GUCY1A2: variants seen among roughly 807,000 people sequenced by gnomAD.
The protein encoded by GUCY1A2 is guanylate cyclase soluble subunit alpha-2.
In GUCY1A2, 27 loss-of-function variants were observed where a neutral mutation model predicts 63.5. The observed-to-expected ratio is 0.43, with a 90% CI of 0.31 to 0.59. The LOEUF (loss-of-function observed/expected upper bound fraction) is 0.59. Ranked by LOEUF, GUCY1A2 falls within the 20% of genes least tolerant of loss-of-function variation. The pLI is 0.11. For missense variants in GUCY1A2, 768 were observed against 913.3 expected (o/e 0.84, Z 2.05); for synonymous variants, 364 against 343.5 (o/e 1.06, Z -0.66).
intron 6 of GUCY1A2, among the ~76,000 whole-genome samples, chr11:106,729,523 G>A (rs952204019): frequency 3.9e-5 from 6 of 152,078 alleles, no homozygotes; most frequent in Non-Finnish European, 1.5e-5. Context: ...AAAATGGAAA[G>A]GAAATTAGAA....
At chr11:106,696,839 AAGAG>A (rs1295087735) in intron 7 of GUCY1A2, among the ~76,000 whole-genome samples, 1 of 152,162 alleles carries the variant, frequency 6.6e-6, no homozygotes, top group Non-Finnish European at 1.5e-5. Context: ...GAGAGAAACT[AAGAG>A]AGGAGAAGAG....
intron 7 of GUCY1A2, among the ~76,000 whole-genome samples, chr11:106,706,295 A>AATT (rs1321936819): frequency 1.3e-5 from 2 of 152,090 alleles, no homozygotes; most frequent in Non-Finnish European, 2.9e-5. Flanking sequence ...TTACTTCATA[A>AATT]ATTATATTTG....
chr11:106,861,004 G>A (rs1216066354), intron 4 of GUCY1A2, among the ~76,000 whole-genome samples: 1 of 151,438 alleles, frequency 6.6e-6, no homozygotes, highest in Non-Finnish European at 1.5e-5. Context: ...AGGAAGATGA[G>A]AAGAAGATTA....
chr11:106,969,121 A>T (rs983422984), intron 3 of GUCY1A2, among the ~76,000 whole-genome samples: 1 of 152,302 alleles, frequency 6.6e-6, no homozygotes. Flanking sequence ...TCATAAGGGG[A>T]ATTTACCATA....
chr11:106,825,013 AT>A, intron 4 of GUCY1A2: 1 of 1,572,576 alleles, frequency 6.4e-7, no homozygotes, highest in East Asian at 2.3e-5. Context: ...ATATGCCACT[AT>A]TTTTGTAGTT....
intron 4 of GUCY1A2, among the ~76,000 whole-genome samples, chr11:106,858,977 G>A (rs1464040534): frequency 2.6e-5 from 4 of 152,038 alleles, no homozygotes; most frequent in Non-Finnish European, 5.9e-5. Context: ...AATTCTGGAT[G>A]CCTTGATCAC....
intron 4 of GUCY1A2, among the ~76,000 whole-genome samples, chr11:106,892,564 G>A (rs1425000791): frequency 6.6e-6 from 1 of 152,068 alleles, no homozygotes; most frequent in African/African-American, 2.4e-5. Flanking sequence ...CTTATATCAA[G>A]TTAGCTAGCC....
chr11:106,996,262 G>T (rs145062193), intron 1 of GUCY1A2, among the ~76,000 whole-genome samples: 1 of 152,048 alleles, frequency 6.6e-6, no homozygotes, highest in Admixed American at 6.6e-5. Flanking sequence ...GAAGGGGAGG[G>T]GAATTGTTTA....
chr11:106,909,383 G>A (rs1399801059), intron 4 of GUCY1A2, among the ~76,000 whole-genome samples: 2 of 150,582 alleles, frequency 1.3e-5, no homozygotes, highest in African/African-American at 4.9e-5. Flanking sequence ...GTGTGTGTGT[G>A]TGTGTGTACG....
chr11:106,774,656 T>C (rs896280291), intron 6 of GUCY1A2, among the ~76,000 whole-genome samples: 5 of 152,196 alleles, frequency 3.3e-5, no homozygotes, highest in Non-Finnish European at 7.3e-5. Context: ...GGAACCTCAA[T>C]TGAATATATA....
chr11:106,833,110 C>T (rs144453470), intron 4 of GUCY1A2, among the ~76,000 whole-genome samples: 1,945 of 152,110 alleles, frequency 0.013, 42 homozygotes, highest in African/African-American at 0.044. Context: ...TTACACATGG[C>T]ATTCTCCCTG....
At chr11:106,964,885 T>C (rs908252286) in intron 3 of GUCY1A2, among the ~76,000 whole-genome samples, 1 of 151,604 alleles carries the variant, frequency 6.6e-6, no homozygotes, top group Admixed American at 6.6e-5. Context: ...GAGGCTGAGG[T>C]AGGAGAATGG....
Position 106,727,408 on chromosome 11 carries a change from C to T in GUCY1A2, c.1837-18742G>A, listed in dbSNP as rs1051402479. On this transcript the variant is annotated intron_variant, in intron 6 of 7. Transcript: ENST00000526355. ...GCTCACTGAATCTGTCAAACAGAAG[C>T]CAGCCACTGGCATTTTTCCACATCT... is the stretch of plus-strand genomic sequence containing the variant. 3.3e-5 allele frequency among the ~76,000 whole-genome samples: 5 copies of T among 152,288 alleles called. No homozygotes were observed. In the East Asian group the frequency reaches 9.7e-4, roughly 29 times the overall value.
At chr11:106,854,304 G>C (rs1859397239) in intron 4 of GUCY1A2, among the ~76,000 whole-genome samples, 1 of 152,178 alleles carries the variant, frequency 6.6e-6, no homozygotes, top group East Asian at 1.9e-4. Context: ...CCAGTCCCTA[G>C]GATCTTGGAT....
chr11:106,703,097 C>A (rs1395815001), intron 7 of GUCY1A2, among the ~76,000 whole-genome samples: 1 of 152,140 alleles, frequency 6.6e-6, no homozygotes, highest in Non-Finnish European at 1.5e-5. Flanking sequence ...GTTTAGTCTT[C>A]TGGCCTACGT....
chr11:106,935,556 A>G (rs552906337), intron 4 of GUCY1A2, among the ~76,000 whole-genome samples: 1 of 152,260 alleles, frequency 6.6e-6, no homozygotes, highest in African/African-American at 2.4e-5. Flanking sequence ...AGAAAGCTTC[A>G]TGGCCAAGTG....
intron 5 of GUCY1A2, among the ~76,000 whole-genome samples, chr11:106,795,843 A>T (rs1864748582): frequency 6.6e-6 from 1 of 152,164 alleles, no homozygotes; most frequent in African/African-American, 2.4e-5. Flanking sequence ...AGCAAACTAC[A>T]TATAGCTCCA....
chr11:106,931,488 G>T, intron 4 of GUCY1A2, among the ~76,000 whole-genome samples: 1 of 152,154 alleles, frequency 6.6e-6, no homozygotes, highest in East Asian at 1.9e-4. Flanking sequence ...TGCAACAACT[G>T]CAAATCAGTT....
intron 6 of GUCY1A2, among the ~76,000 whole-genome samples, chr11:106,773,443 G>C (rs961080085): frequency 7.9e-5 from 12 of 152,158 alleles, no homozygotes; most frequent in African/African-American, 2.7e-4. Flanking sequence ...ATGGATATTT[G>C]AATTAGCTAG....
Sources: allele counts gnomAD v4.1 joint callset (sites outside exome capture counted in the v4.1 genomes callset), GRCh38; gene constraint gnomAD v4.1.1; transcripts MANE v1.5; gene names NCBI Gene and HGNC (gene_info 2026-07-23, HGNC 2026-07-21).